The following DEPTOR variants were observed in gnomAD, a reference collection of about 807,000 sequenced individuals.
DEPTOR encodes DEP domain-containing mTOR-interacting protein.
A neutral mutation model predicts 41.6 loss-of-function variants in DEPTOR; 41 were observed. The ratio of observed to expected loss-of-function variants is 0.98; its 90% CI spans 0.77 to 1.28. DEPTOR has a LOEUF of 1.28. Among genes scored for constraint, DEPTOR ranks in the 50% most tolerant of loss-of-function variants. The pLI is 0.00. For synonymous variants in DEPTOR, 195 were observed against 192.3 expected, an observed-to-expected ratio of 1.01 and a Z score of -0.12; for missense variants, 514 against 527.9, an observed-to-expected ratio of 0.97 and a Z score of 0.26.
intron 3 of DEPTOR, among the ~76,000 whole-genome samples, chr8:119,950,623 ATCTC>A (rs1828340116): frequency 6.7e-6 from 1 of 149,174 alleles, no homozygotes; most frequent in Admixed American, 6.7e-5. Context: ...TTGAGATGGA[ATCTC>A]TCTCTGTCAC....
At chr8:120,031,481 T>TA (rs1448439226) in intron 8 of DEPTOR, among the ~76,000 whole-genome samples, 3 of 151,814 alleles carry the variant, frequency 2.0e-5, no homozygotes, top group African/African-American at 7.3e-5. Flanking sequence ...ATAATAATAA[T>TA]AATAAAATGC....
chr8:120,010,013 A>C (rs1812505399), intron 8 of DEPTOR, among the ~76,000 whole-genome samples: 2 of 152,196 alleles, frequency 1.3e-5, no homozygotes, highest in Non-Finnish European at 1.5e-5. Context: ...GGTAGCACAT[A>C]ATAGACCATA....
chr8:119,873,815 G>T lies in DEPTOR; in HGVS notation c.-32G>T, dbSNP rs780770059. The stretch of plus-strand genomic sequence containing the variant: ...AGCACCCAAACCCTCGGCGGACAGC[G>T]GAGCCAGTGGTAGCCGCACGGCCCT... On this transcript the variant is annotated 5_prime_UTR_variant, in exon 1 of 9. Transcript: ENST00000286234. The T allele has an allele frequency of 1.2e-6, 2 of 1,606,704 alleles. No homozygotes were observed. The highest frequency in any genetic ancestry group is 1.7e-5 in the Admixed American group (1 of 59,250).
At chr8:119,971,582 A>G (rs1042606836) in intron 4 of DEPTOR, among the ~76,000 whole-genome samples, 2 of 152,202 alleles carry the variant, frequency 1.3e-5, no homozygotes, top group Non-Finnish European at 2.9e-5. Context: ...TCAGGGAAGG[A>G]ACCAGAGGTA....
intron 1 of DEPTOR, among the ~76,000 whole-genome samples, chr8:119,896,498 T>TTTTCGTTTTG: frequency 6.6e-6 from 1 of 150,870 alleles, no homozygotes; most frequent in Non-Finnish European, 1.5e-5. Flanking sequence ...TTTCTTTGTG[T>TTTTCGTTTTG]TTTTGTTTTG....
At chr8:119,964,073 G>A (rs1828524761) in intron 3 of DEPTOR, among the ~76,000 whole-genome samples, 2 of 152,130 alleles carry the variant, frequency 1.3e-5, no homozygotes, top group Non-Finnish European at 2.9e-5. Flanking sequence ...GGCAAGAGCA[G>A]AGAGAGAGAA....
intron 1 of DEPTOR, among the ~76,000 whole-genome samples, chr8:119,903,295 G>A (rs1015260642): frequency 5.3e-5 from 8 of 151,870 alleles, no homozygotes; most frequent in South Asian, 2.1e-4. Context: ...ATGGGGTTTC[G>A]CCATGTTAGC....
chr8:119,965,248 AAC>A lies in DEPTOR; in HGVS notation c.447_448del (p.Leu150ProfsTer12). 1 of 1,613,216 alleles carries A rather than the reference AAC, an allele frequency of 6.2e-7. No homozygotes were observed. On this transcript the variant is annotated frameshift_variant, in exon 4 of 9. Transcript: ENST00000286234. LOFTEE classifies it high-confidence loss of function. ...TCTTCCCAGGCTGATGAGCCCTGAAAACACACTCCTGCAGCCCAGGGAGGAGG... is the reference window on the plus strand; with the variant it reads ...TCTTCCCAGGCTGATGAGCCCTGAAAACACTCCTGCAGCCCAGGGAGGAGG... ...RLYEKLMSPE[N>X]TLLQPREEEG...
intron 1 of DEPTOR, among the ~76,000 whole-genome samples, chr8:119,912,658 T>C (rs890872569): frequency 2.6e-5 from 4 of 152,206 alleles, no homozygotes; most frequent in Non-Finnish European, 5.9e-5. Flanking sequence ...AAATAGATGA[T>C]CATAACCCTA....
chr8:119,874,058 G>A (rs1310769651), intron 1 of DEPTOR, 90 bp downstream of exon 1: 5 of 1,572,868 alleles, frequency 3.2e-6, no homozygotes, highest in Non-Finnish European at 3.4e-6. Context: ...CCTGGCTCGT[G>A]GCTTGCGACT....
chr8:119,965,297 C>A lies in DEPTOR; in HGVS notation c.491C>A (p.Thr164Asn). 6.2e-7 allele frequency: 1 copy of A among 1,614,118 alleles called. No homozygotes were observed. The highest frequency in any genetic ancestry group is 8.5e-7 in the Non-Finnish European group (1 of 1,180,022). Reference protein sequence around the residue: ...REEEGVKYERTFMASEFLDWL... With the variant: ...REEEGVKYERNFMASEFLDWL... ...GAGGAAGGGGTCAAGTATGAGCGCACCTTCATGGCATCTGAATTCCTGGAC... is the reference window on the plus strand; with the variant it reads ...GAGGAAGGGGTCAAGTATGAGCGCAACTTCATGGCATCTGAATTCCTGGAC... The change falls in exon 4 of 9, where the codon ACC becomes AAC. Residue 164 changes from threonine (T) to asparagine (N), a missense_variant. Physicochemically the swap from Thr to Asn is moderately conservative, Grantham distance 65. Transcript: ENST00000286234.
chr8:120,026,051 A>T (rs1197625998), intron 8 of DEPTOR, among the ~76,000 whole-genome samples: 1 of 147,146 alleles, frequency 6.8e-6, no homozygotes. Flanking sequence ...CAGTGGTATG[A>T]TCTCAGCTCA....
chr8:119,895,869 G>A (rs528515910), intron 1 of DEPTOR, among the ~76,000 whole-genome samples: 9 of 152,176 alleles, frequency 5.9e-5, no homozygotes, highest in Admixed American at 5.2e-4. Flanking sequence ...GACTTACACC[G>A]ATGCTTTGAA....
At chr8:119,945,816 C>T (rs984642829) in intron 3 of DEPTOR, among the ~76,000 whole-genome samples, 3 of 152,092 alleles carry the variant, frequency 2.0e-5, no homozygotes, top group South Asian at 2.1e-4. Flanking sequence ...CACGGGTCAG[C>T]GTTAGGCTGT....
chr8:119,914,938 T>C (rs1458113215), intron 1 of DEPTOR, among the ~76,000 whole-genome samples: 2 of 152,188 alleles, frequency 1.3e-5, no homozygotes, highest in African/African-American at 4.8e-5. Flanking sequence ...GTGTATTTTT[T>C]ATATTCCATG....
At chr8:120,008,594 G>C (rs1222700035) in intron 7 of DEPTOR, among the ~76,000 whole-genome samples, 1 of 150,074 alleles carries the variant, frequency 6.7e-6, no homozygotes, top group Non-Finnish European at 1.5e-5. Flanking sequence ...AATTATGCTA[G>C]ACTTCAATGA....
intron 4 of DEPTOR, among the ~76,000 whole-genome samples, chr8:119,987,603 G>A (rs1458030050): frequency 2.0e-5 from 3 of 152,324 alleles, no homozygotes. Context: ...CAGACAGGGA[G>A]GTTTAGGTCT....
chr8:119,951,076 C>CAA (rs1170837608), intron 3 of DEPTOR, among the ~76,000 whole-genome samples: 3 of 151,524 alleles, frequency 2.0e-5, no homozygotes, highest in Non-Finnish European at 4.4e-5. Context: ...CACACAAACA[C>CAA]ACACACACAC....
At chr8:119,896,670 G>A (rs1563959641) in intron 1 of DEPTOR, among the ~76,000 whole-genome samples, 1 of 151,942 alleles carries the variant, frequency 6.6e-6, no homozygotes, top group Non-Finnish European at 1.5e-5. Context: ...GCTAATTTTT[G>A]TATTTTTAGT....
Sources: allele counts gnomAD v4.1 joint callset (sites outside exome capture counted in the v4.1 genomes callset), GRCh38; gene constraint gnomAD v4.1.1; transcripts MANE v1.5; gene names NCBI Gene and HGNC (gene_info 2026-07-23, HGNC 2026-07-21).